ADAMTS6: variants seen among roughly 807,000 people sequenced by gnomAD.
ADAMTS6 encodes A disintegrin and metalloproteinase with thrombospondin motifs 6.
A neutral mutation model predicts 144.3 loss-of-function variants in ADAMTS6; 23 were observed. The observed-to-expected ratio is 0.16, with a 90% CI of 0.11 to 0.23. The LOEUF (loss-of-function observed/expected upper bound fraction) is 0.23, where lower values mean the gene tolerates loss of function less well. ADAMTS6 is among the 10% of genes least tolerant of loss of function. The pLI is 1.00. For missense variants in ADAMTS6, 999 were observed against 1,379.6 expected, an observed-to-expected ratio of 0.72 and a Z score of 4.37; for synonymous variants, 444 against 457.5, an observed-to-expected ratio of 0.97 and a Z score of 0.38.
intron 7 of ADAMTS6, among the ~76,000 whole-genome samples, chr5:65,412,542 T>C (rs2150184516): frequency 6.6e-6 from 1 of 152,204 alleles, no homozygotes; most frequent in Non-Finnish European, 1.5e-5. Context: ...ACCTTGACAG[T>C]GTATTATAAG....
In ADAMTS6 at chr5:65,225,034, T is replaced by C; in HGVS notation, c.2081A>G (p.Asp694Gly). The C allele has an allele frequency of 6.2e-7, 1 of 1,613,960 alleles. No individual in the cohort carries two copies. Among genetic ancestry groups the C allele is most frequent in the Non-Finnish European group, 8.5e-7 (1 of 1,179,948 alleles). The change falls in exon 17 of 25, where the codon GAT (aspartate) becomes GGT (glycine). Residue 694 changes from aspartate (D) to glycine (G), a missense_variant. Asp to Gly is a moderately conservative substitution (Grantham distance 94). This residue lies in a region of ADAMTS6 where 619 missense variants were observed against 837.0 expected (regional missense o/e 0.74). Coordinates refer to ENST00000381055, the MANE Select transcript of ADAMTS6 (RefSeq NM_197941.4). ...CCTAGCATCAGATCCCAAAATATTA[T>C]CACAGCCTACGTGCTGAAAACAGAG... ...INGECKHVGC[D>G]NILGSDARED...
At chr5:65,377,376 T>G (rs1751662148) in intron 7 of ADAMTS6, among the ~76,000 whole-genome samples, 1 of 152,090 alleles carries the variant, frequency 6.6e-6, no homozygotes, top group Non-Finnish European at 1.5e-5. Flanking sequence ...TATTCTTGAA[T>G]AAAAAGTTAG....
At chr5:65,432,194 C>G (rs1431227017) in intron 7 of ADAMTS6, among the ~76,000 whole-genome samples, 1 of 151,856 alleles carries the variant, frequency 6.6e-6, no homozygotes, top group Non-Finnish European at 1.5e-5. Context: ...TAGATATCAT[C>G]TCAAAATAAT....
chr5:65,237,097 A>T (rs1375470466), intron 15 of ADAMTS6, among the ~76,000 whole-genome samples: 1 of 152,056 alleles, frequency 6.6e-6, no homozygotes, highest in African/African-American at 2.4e-5. Flanking sequence ...GACACAAAAT[A>T]AAAAACTGAA....
At chr5:65,191,721 C>T (rs1206204839) in intron 21 of ADAMTS6, among the ~76,000 whole-genome samples, 2 of 151,842 alleles carry the variant, frequency 1.3e-5, no homozygotes, top group East Asian at 1.9e-4. Context: ...TTTCATTTCT[C>T]AGCTAATTGG....
At chr5:65,374,848 G>C (rs1274992766) in intron 7 of ADAMTS6, among the ~76,000 whole-genome samples, 1 of 152,130 alleles carries the variant, frequency 6.6e-6, no homozygotes, top group African/African-American at 2.4e-5. Flanking sequence ...CACACTACCT[G>C]ACTTCAAACT....
At chr5:65,256,879 C>T (rs1166239529) in intron 14 of ADAMTS6, among the ~76,000 whole-genome samples, 2 of 151,516 alleles carry the variant, frequency 1.3e-5, no homozygotes, top group Admixed American at 1.3e-4. Context: ...TATAAAACTT[C>T]CATTCTTCTG....
At chr5:65,227,822 G>C (rs1757840360) in intron 15 of ADAMTS6, among the ~76,000 whole-genome samples, 1 of 151,954 alleles carries the variant, frequency 6.6e-6, no homozygotes, top group South Asian at 2.1e-4. Flanking sequence ...GTTTTTAAAT[G>C]TAACAATTGA....
rs1483670832 is a variant in ADAMTS6 at position 65,150,324 on chromosome 5, T to C, written c.*1512A>G. On this transcript the variant is annotated 3_prime_UTR_variant, in exon 25 of 25. Coordinates refer to ENST00000381055, the MANE Select transcript of ADAMTS6 (RefSeq NM_197941.4). ...CATTCATCAAGAACCTGCTGCAAGC[T>C]ACACGTGTTCAAGTAAAAAATATTA... is the stretch of plus-strand genomic sequence containing the variant. 1 of 152,634 alleles carries C rather than the reference T, an allele frequency of 6.6e-6. No individual in the cohort carries two copies. Among genetic ancestry groups the C allele is most frequent in the Non-Finnish European group, 1.5e-5 (1 of 68,044 alleles). The allele number at this position is 152,634 out of a possible 1,614,324, so 9.5% of individuals were successfully genotyped here.
chr5:65,352,301 T>G (rs1305414757), intron 7 of ADAMTS6, among the ~76,000 whole-genome samples: 1 of 151,068 alleles, frequency 6.6e-6, no homozygotes, highest in African/African-American at 2.4e-5. Context: ...AGTGAAATTC[T>G]TACCCATAGA....
At chr5:65,418,525 C>T (rs1345955779) in intron 7 of ADAMTS6, among the ~76,000 whole-genome samples, 2 of 152,074 alleles carry the variant, frequency 1.3e-5, no homozygotes, top group Non-Finnish European at 2.9e-5. Context: ...CTTAATCTTC[C>T]AAGTACCCCA....
chr5:65,454,192 C>A (rs1218580263), intron 4 of ADAMTS6, among the ~76,000 whole-genome samples: 1 of 152,150 alleles, frequency 6.6e-6, no homozygotes, highest in Non-Finnish European at 1.5e-5. Flanking sequence ...TGGTGCCATG[C>A]TCTTGGACTT....
intron 20 of ADAMTS6, among the ~76,000 whole-genome samples, chr5:65,202,196 C>T (rs1016010130): frequency 1.3e-5 from 2 of 152,152 alleles, no homozygotes; most frequent in Admixed American, 1.3e-4. Flanking sequence ...AGTGTCTTTC[C>T]TTCTGTCCTT....
intron 7 of ADAMTS6, among the ~76,000 whole-genome samples, chr5:65,381,653 G>C (rs763261658): frequency 6.7e-6 from 1 of 150,036 alleles, no homozygotes; most frequent in East Asian, 2.0e-4. Context: ...CCAAAAGTGC[G>C]GGGATTACAA....
intron 12 of ADAMTS6, among the ~76,000 whole-genome samples, chr5:65,264,258 T>G (rs543900844): frequency 1.3e-5 from 2 of 152,172 alleles, no homozygotes; most frequent in East Asian, 3.8e-4. Context: ...TGATCAACAG[T>G]AGATTTAGTG....
chr5:65,212,602 C>T (rs768684726), intron 20 of ADAMTS6, among the ~76,000 whole-genome samples: 5 of 151,742 alleles, frequency 3.3e-5, no homozygotes, highest in African/African-American at 7.3e-5. Flanking sequence ...TTCTTCTTTG[C>T]TTTTTTGTTG....
chr5:65,412,418 A>T (rs532556106), intron 7 of ADAMTS6, among the ~76,000 whole-genome samples: 129 of 152,180 alleles, frequency 8.5e-4, no homozygotes, highest in Non-Finnish European at 1.6e-3. Flanking sequence ...ACACACATGC[A>T]CACAGGCACA....
At chr5:65,194,436 G>A (rs1755208543) in intron 21 of ADAMTS6, among the ~76,000 whole-genome samples, 1 of 152,182 alleles carries the variant, frequency 6.6e-6, no homozygotes, top group African/African-American at 2.4e-5. Flanking sequence ...TTGCCCAATG[G>A]TAGTGTTCTG....
At chr5:65,446,793 G>A (rs534259328) in intron 7 of ADAMTS6, among the ~76,000 whole-genome samples, 4 of 152,258 alleles carry the variant, frequency 2.6e-5, no homozygotes, top group East Asian at 3.9e-4. Context: ...AGTTGCTTAC[G>A]ACTAGGGTAG....
Sources: gnomAD v4.1 joint callset for allele counts (sites outside exome capture counted in the v4.1 genomes callset) on GRCh38, gnomAD v4.1.1 for gene constraint, gnomAD v4.1.1 regional missense constraint, MANE v1.5 for transcripts, NCBI Gene and HGNC (gene_info 2026-07-23, HGNC 2026-07-21) for gene names.